The following RANBP3L variants were observed in gnomAD, a reference collection of about 807,000 sequenced individuals.
RANBP3L encodes ran-binding protein 3-like.
RANBP3L carries 56 observed loss-of-function variants against 67.2 expected under a neutral mutation model. The ratio of observed to expected loss-of-function variants is 0.83; its 90% CI spans 0.67 to 1.04. The LOEUF (loss-of-function observed/expected upper bound fraction) is 1.04, where lower values mean the gene tolerates loss of function less well. Ranked by LOEUF, RANBP3L falls within the 50% of genes least tolerant of loss-of-function variation. RANBP3L has a pLI of 0.00. For missense variants in RANBP3L, 496 were observed against 535.5 expected, an observed-to-expected ratio of 0.93 and a Z score of 0.73; for synonymous variants, 164 against 181.4, an observed-to-expected ratio of 0.90 and a Z score of 0.77.
intron 1 of RANBP3L, among the ~76,000 whole-genome samples, chr5:36,280,264 C>T (rs971239583): frequency 6.6e-6 from 1 of 152,130 alleles, no homozygotes; most frequent in African/African-American, 2.4e-5. Context: ...GACCTGCTAC[C>T]CTTCTGAAAG....
At chr5:36,271,210 T>C in intron 2 of RANBP3L, 43 bp downstream of exon 2, 1 of 1,091,424 alleles carries the variant, frequency 9.2e-7, no homozygotes, top group Non-Finnish European at 1.4e-6. Context: ...AATATAATTG[T>C]CTTTGTCAAA....
intron 1 of RANBP3L, among the ~76,000 whole-genome samples, chr5:36,275,574 C>G (rs1485769149): frequency 6.6e-6 from 1 of 152,102 alleles, no homozygotes; most frequent in Non-Finnish European, 1.5e-5. Flanking sequence ...CTTCGACTCC[C>G]TCCTTAAATC....
intron 1 of RANBP3L, among the ~76,000 whole-genome samples, chr5:36,298,151 T>C (rs913213186): frequency 6.6e-6 from 1 of 151,660 alleles, no homozygotes; most frequent in Non-Finnish European, 1.5e-5. Flanking sequence ...AATAAAAAAA[T>C]TAGCCAGGCA....
chr5:36,286,831 C>A (rs1751357489), intron 1 of RANBP3L, among the ~76,000 whole-genome samples: 1 of 152,172 alleles, frequency 6.6e-6, no homozygotes, highest in Non-Finnish European at 1.5e-5. Context: ...TGTGGCATGA[C>A]CCACTCCCTC....
chr5:36,271,111 TATAA>T, intron 2 of RANBP3L, 138 bp downstream of exon 2: 2 of 627,180 alleles, frequency 3.2e-6, no homozygotes, highest in South Asian at 4.0e-5. Context: ...ATCCTGACTA[TATAA>T]ATAATCTGGA....
intron 1 of RANBP3L, 49 bp downstream of exon 1, chr5:36,301,277 A>G: frequency 7.2e-7 from 1 of 1,395,812 alleles, no homozygotes. Context: ...TGGAATGCAA[A>G]TGCACAGAAG....
chr5:36,260,338 G>A (rs1389802409), intron 8 of RANBP3L, among the ~76,000 whole-genome samples: 4 of 140,856 alleles, frequency 2.8e-5, no homozygotes, highest in African/African-American at 1.0e-4. Flanking sequence ...TCCAGCCTGG[G>A]TGACAGAGCG....
In RANBP3L at chr5:36,274,459, G is replaced by T. The variant is rs568182538; in HGVS notation, c.92-3148C>A. On this transcript the variant is annotated intron_variant, in intron 1 of 13. Transcript: ENST00000296604. The stretch of plus-strand genomic sequence containing the variant: ...ATGAGTAGAGGTTAGCCAGGCAAAC[G>T]TAGAAGAAGGACATTCCAAGCAGAG... Among the ~76,000 whole-genome samples the T allele has an allele frequency of 6.6e-5, 10 of 152,098 alleles. 1 individual carries two copies. The highest frequency in any genetic ancestry group is 5.2e-4 in the Admixed American group (8 of 15,262).
intron 13 of RANBP3L, 124 bp downstream of exon 13, chr5:36,251,189 G>T (rs749159027): frequency 1.7e-5 from 12 of 717,076 alleles, no homozygotes; most frequent in Non-Finnish European, 2.6e-5. Flanking sequence ...AACAACTAAG[G>T]CTCTAGCCAC....
chr5:36,270,093 T>A, intron 2 of RANBP3L, 103 bp from the exon 3 acceptor site: 1 of 970,232 alleles, frequency 1.0e-6, no homozygotes, highest in Non-Finnish European at 1.7e-6. Flanking sequence ...ATGGCAAAAA[T>A]TGCAATTACT....
At chr5:36,290,898 ATT>A (rs758051439) in intron 1 of RANBP3L, among the ~76,000 whole-genome samples, 5,788 of 120,824 alleles carry the variant, frequency 0.048, 419 homozygotes, top group African/African-American at 0.18. Flanking sequence ...TGCCTGGCTA[ATT>A]TTTTTTTTTT....
chr5:36,253,645 A>T lies in RANBP3L; in HGVS notation c.1167+2T>A. ...CTTCTATCACTGAAATTTCTCCCTT[A>T]CCTGAATTAAAAATATTTTGATGCT... is the stretch of plus-strand genomic sequence containing the variant. On this transcript the variant is annotated splice_donor_variant, in intron 12 of 13. Coordinates refer to ENST00000296604, the MANE Select transcript of RANBP3L (RefSeq NM_145000.5). LOFTEE classifies it high-confidence loss of function. 4 of 1,595,342 alleles carry T rather than the reference A, an allele frequency of 2.5e-6. No individual in the cohort carries two copies. The highest frequency in any genetic ancestry group is 2.6e-6 in the Non-Finnish European group (3 of 1,163,668).
At chr5:36,251,998 G>C (rs903649587) in intron 12 of RANBP3L, among the ~76,000 whole-genome samples, 2 of 151,970 alleles carry the variant, frequency 1.3e-5, no homozygotes, top group African/African-American at 4.8e-5. Context: ...CTATTTTAAT[G>C]GTTGTTATTC....
chr5:36,262,842 A>C (rs572491732), intron 6 of RANBP3L, among the ~76,000 whole-genome samples: 1 of 152,316 alleles, frequency 6.6e-6, no homozygotes, highest in African/African-American at 2.4e-5. Flanking sequence ...ATCGAAGTAC[A>C]TGCTCATTAC....
chr5:36,298,750 A>G lies in RANBP3L; in HGVS notation c.91+2576T>C, dbSNP rs1579806102. ...TATGGATTGTGGCTTATGTGGGCAG[A>G]TATTTTGAGACTTGGGTGTGGAAGA... On this transcript the variant is annotated intron_variant, in intron 1 of 13. Coordinates refer to ENST00000296604, the MANE Select transcript of RANBP3L (RefSeq NM_145000.5). Among the ~76,000 whole-genome samples the G allele has an allele frequency of 2.6e-5, 4 of 152,320 alleles. 1 individual carries two copies. The highest frequency in any genetic ancestry group is 2.6e-4 in the Admixed American group (4 of 15,292).
At chr5:36,286,929 C>T (rs139213112) in intron 1 of RANBP3L, among the ~76,000 whole-genome samples, 291 of 152,284 alleles carry the variant, frequency 1.9e-3, no homozygotes, top group Non-Finnish European at 3.4e-3. Flanking sequence ...TTATGACACT[C>T]TATGCTGCCT....
chr5:36,253,911 G>GA, intron 11 of RANBP3L, 122 bp from the exon 12 acceptor site: 3 of 827,486 alleles, frequency 3.6e-6, no homozygotes, highest in Non-Finnish European at 5.3e-6. Context: ...ACTAACTTGT[G>GA]ATTTGACTAG....
intron 1 of RANBP3L, among the ~76,000 whole-genome samples, chr5:36,297,677 T>C (rs999681462): frequency 6.6e-6 from 1 of 152,176 alleles, no homozygotes; most frequent in African/African-American, 2.4e-5. Context: ...ATAGAATCAA[T>C]ATTAGAGATA....
At chr5:36,274,052 T>G (rs1750408557) in intron 1 of RANBP3L, among the ~76,000 whole-genome samples, 1 of 152,188 alleles carries the variant, frequency 6.6e-6, no homozygotes, top group Non-Finnish European at 1.5e-5. Flanking sequence ...TTTCTGCAGG[T>G]CACTTTCCTT....
Sources: gnomAD v4.1 joint callset for allele counts (sites outside exome capture counted in the v4.1 genomes callset) on GRCh38, gnomAD v4.1.1 for gene constraint, MANE v1.5 for transcripts, NCBI Gene and HGNC (gene_info 2026-07-23, HGNC 2026-07-21) for gene names.